Variants in RAB20 observed in about 807,000 individuals in gnomAD.
RAB20 encodes the protein ras-related protein Rab-20.
In RAB20, 2 loss-of-function variants were observed where a neutral mutation model predicts 3.7. The observed-to-expected ratio is 0.54, with a 90% CI of 0.22 to 1.69. The LOEUF (loss-of-function observed/expected upper bound fraction) is 1.69, where lower values mean the gene tolerates loss of function less well. Ranked by LOEUF, RAB20 falls within the 40% of genes most tolerant of loss-of-function variation. The pLI is 0.19. For missense variants in RAB20, 276 were observed against 311.9 expected, an observed-to-expected ratio of 0.88 and a Z score of 0.87; for synonymous variants, 126 against 130.8, an observed-to-expected ratio of 0.96 and a Z score of 0.25.
chr13:110,559,666 C>G (rs1423162077), intron 1 of RAB20, among the ~76,000 whole-genome samples: 1 of 152,206 alleles, frequency 6.6e-6, no homozygotes, highest in African/African-American at 2.4e-5. Flanking sequence ...CCTCGGATGC[C>G]AGGAAATGAG....
chr13:110,547,803 C>G (rs1415682474), intron 1 of RAB20, among the ~76,000 whole-genome samples: 1 of 152,200 alleles, frequency 6.6e-6, no homozygotes, highest in Non-Finnish European at 1.5e-5. Context: ...GCTATAAGGC[C>G]AAAGTCTGTA....
At chr13:110,540,691 G>T (rs1446548520) in intron 1 of RAB20, among the ~76,000 whole-genome samples, 2 of 151,066 alleles carry the variant, frequency 1.3e-5, no homozygotes, top group African/African-American at 4.9e-5. Context: ...GCAGTGAGCT[G>T]CGATCGCGCC....
At chr13:110,554,961 A>C (rs1482340436) in intron 1 of RAB20, among the ~76,000 whole-genome samples, 1 of 146,498 alleles carries the variant, frequency 6.8e-6, no homozygotes. Flanking sequence ...CAAGGGCAGG[A>C]AGACCAAGCT....
rs114152842 is a variant in RAB20, at chr13:110,555,811, G to A, written c.172+5537C>T. On this transcript the variant is annotated intron_variant, in intron 1 of 1. Transcript: ENST00000267328. The surrounding 1 kb of genome is among the most constrained non-coding windows in gnomAD (Gnocchi z 4.0). ...GACTTTTATTCTCACTCTTTACCAC[G>A]GCCACCGCGAGTGCCCCCAGCCTTC... 4.7e-3 allele frequency among the ~76,000 whole-genome samples: 723 copies of A among 152,222 alleles called. 9 individuals carry two copies. Among genetic ancestry groups the A allele is most frequent in the African/African-American group, 0.016 (680 of 41,520 alleles).
At chr13:110,547,565 GA>G (rs2139586198) in intron 1 of RAB20, among the ~76,000 whole-genome samples, 1 of 152,186 alleles carries the variant, frequency 6.6e-6, no homozygotes, top group South Asian at 2.1e-4. Context: ...CTCACTTTAG[GA>G]TCCAAGTCAC....
Position 110,561,722 on chromosome 13 carries a change from C to T in RAB20, c.-203G>A. On this transcript the variant is annotated 5_prime_UTR_variant, in exon 1 of 2. Coordinates refer to ENST00000267328, the MANE Select transcript of RAB20 (RefSeq NM_017817.3). ...GCCCGGGAAGGAGCTGGGTGCAGAG[C>T]ACGGAGCCCACGTCGGGGGCCCGGA... 2.4e-6 allele frequency: 2 copies of T among 837,658 alleles called. No homozygotes were observed. Among genetic ancestry groups the T allele is most frequent in the East Asian group, 3.6e-5 (1 of 28,054 alleles). 51.9% of individuals were successfully genotyped at this position (837,658 alleles called of 1,614,324 possible). A position where few individuals can be genotyped will look rare whatever the true frequency, so the allele number is the denominator to read the frequency against.
chr13:110,549,873 G>A (rs994951593), intron 1 of RAB20, among the ~76,000 whole-genome samples: 2 of 152,020 alleles, frequency 1.3e-5, no homozygotes, highest in African/African-American at 2.4e-5. Context: ...ACAGGCACGC[G>A]CCACCAAGCG....
At chr13:110,530,152 C>G (rs1433716485) in intron 1 of RAB20, among the ~76,000 whole-genome samples, 300 of 143,886 alleles carry the variant, frequency 2.1e-3, no homozygotes, top group African/African-American at 7.3e-3. Flanking sequence ...CACAGGGCCC[C>G]GGGGAGGCAG....
intron 1 of RAB20, among the ~76,000 whole-genome samples, chr13:110,530,089 A>G (rs1884505004): frequency 1.3e-5 from 2 of 152,092 alleles, no homozygotes. Context: ...CGCCCTGCTC[A>G]CTGCAGACAG....
chr13:110,543,089 T>C (rs1884793473), intron 1 of RAB20, among the ~76,000 whole-genome samples: 1 of 152,206 alleles, frequency 6.6e-6, no homozygotes, highest in Non-Finnish European at 1.5e-5. Flanking sequence ...TTGTATGTCT[T>C]CTTTTGAGAA....
intron 1 of RAB20, among the ~76,000 whole-genome samples, chr13:110,540,742 C>CAA (rs57711956): frequency 4.3e-4 from 61 of 142,286 alleles, no homozygotes; most frequent in Middle Eastern, 3.7e-3. Flanking sequence ...AACTCCGTCT[C>CAA]AAAAAAAAAA....
chr13:110,533,287 A>G (rs1414143148), intron 1 of RAB20, among the ~76,000 whole-genome samples: 1 of 152,222 alleles, frequency 6.6e-6, no homozygotes, highest in Non-Finnish European at 1.5e-5. Context: ...AAAGTTGATG[A>G]GTTTTGGCTA....
At chr13:110,531,217 C>A (rs371882560) in intron 1 of RAB20, among the ~76,000 whole-genome samples, 49 of 152,292 alleles carry the variant, frequency 3.2e-4, no homozygotes, top group African/African-American at 1.2e-3. Flanking sequence ...AACAGGCACC[C>A]CAGGGAGTCT....
At chr13:110,556,993 CG>C (rs1225312536) in intron 1 of RAB20, among the ~76,000 whole-genome samples, 2 of 152,130 alleles carry the variant, frequency 1.3e-5, no homozygotes, top group African/African-American at 4.8e-5. Flanking sequence ...GAGGGCAGCC[CG>C]GATTGGCCTA....
At chr13:110,558,015 T>G (rs1014121574) in intron 1 of RAB20, among the ~76,000 whole-genome samples, 4 of 152,236 alleles carry the variant, frequency 2.6e-5, no homozygotes, top group African/African-American at 7.2e-5. Context: ...ATCCAGGGCC[T>G]GCGGGGCAGC....
chr13:110,539,406 T>C (rs1445916306), intron 1 of RAB20, among the ~76,000 whole-genome samples: 1 of 152,202 alleles, frequency 6.6e-6, no homozygotes, highest in Non-Finnish European at 1.5e-5. Context: ...TGAAGCTTTT[T>C]TCCTTTTTGA....
At chr13:110,545,651 T>G (rs1436436993) in intron 1 of RAB20, among the ~76,000 whole-genome samples, 2 of 152,170 alleles carry the variant, frequency 1.3e-5, no homozygotes, top group Admixed American at 1.3e-4. Flanking sequence ...AGGTGGTGAC[T>G]GAGGTGGACA....
chr13:110,537,678 C>T (rs954992423), intron 1 of RAB20, among the ~76,000 whole-genome samples: 3 of 151,786 alleles, frequency 2.0e-5, no homozygotes, highest in Non-Finnish European at 4.4e-5. Flanking sequence ...CATTCCGGTT[C>T]CTAAAGTGAG....
In RAB20 at chr13:110,523,980, C is replaced by A; in HGVS notation, c.390G>T (p.Glu130Asp). Residue 130 changes from glutamate to aspartate, a missense_variant, in exon 2 of 2, where the codon GAG becomes GAT. Glu to Asp is a conservative substitution (Grantham distance 45). Coordinates refer to ENST00000267328, the MANE Select transcript of RAB20 (RefSeq NM_017817.3). ...EGALAGQEKE[E>D]CSPNMDAGDR... ...CCCCAGCGTCCATATTGGGACTGCACTCTTCCTTCTCCTGGCCCGCCAAGG... is the reference window on the plus strand; with the variant it reads ...CCCCAGCGTCCATATTGGGACTGCAATCTTCCTTCTCCTGGCCCGCCAAGG... The A allele has an allele frequency of 1.9e-6, 3 of 1,614,172 alleles. No individual in the cohort carries two copies. The highest frequency in any genetic ancestry group is 2.5e-6 in the Non-Finnish European group (3 of 1,180,026).
Sources: gnomAD v4.1 joint callset for allele counts (sites outside exome capture counted in the v4.1 genomes callset) on GRCh38, gnomAD v4.1.1 for gene constraint, Gnocchi (gnomAD v3.1) non-coding constraint, MANE v1.5 for transcripts, NCBI Gene and HGNC (gene_info 2026-07-23, HGNC 2026-07-21) for gene names.